MAML2: variants seen among roughly 807,000 people sequenced by gnomAD.
MAML2 encodes mastermind like transcriptional coactivator 2.
MAML2 carries 22 observed loss-of-function variants against 96.1 expected under a neutral mutation model. The ratio of observed to expected loss-of-function variants is 0.23; its 90% CI spans 0.16 to 0.33. The LOEUF is 0.33. Among genes scored for constraint, MAML2 ranks in the 10% least tolerant of loss-of-function variants. The pLI is 1.00. For missense variants in MAML2, 1,367 were observed against 1,392.4 expected (o/e 0.98, Z 0.29); for synonymous variants, 561 against 521.3 (o/e 1.08, Z -1.04).
intron 2 of MAML2, among the ~76,000 whole-genome samples, chr11:96,035,642 G>A (rs182323102): frequency 1.3e-5 from 2 of 152,316 alleles, no homozygotes; most frequent in African/African-American, 4.8e-5. Context: ...AAGGAAGGAA[G>A]CACAGAGACA....
Position 96,093,015 on chromosome 11 carries a change from G to A in MAML2, c.1016C>T (p.Pro339Leu), listed in dbSNP as rs374202127. ...TTGCTGACCCAAGTCAATGTTAAAT[G>A]GGTCATCCTGCTTTATGGTGGCATT... is the stretch of plus-strand genomic sequence containing the variant. Reference protein sequence around the residue: ...MINATIKQDDPFNIDLGQQSQ... With the variant: ...MINATIKQDDLFNIDLGQQSQ... Residue 339 changes from proline to leucine, a missense_variant, in exon 2 of 5, where the codon CCA becomes CTA. Physicochemically the swap from Pro to Leu is moderately conservative, Grantham distance 98 (BLOSUM62 -3). Coordinates refer to ENST00000524717, the MANE Select transcript of MAML2 (RefSeq NM_032427.4). The A allele has an allele frequency of 5.0e-6, 8 of 1,613,870 alleles. No individual in the cohort carries two copies. The highest frequency in any genetic ancestry group is 1.6e-4 in the Middle Eastern group (1 of 6,084).
intron 1 of MAML2, among the ~76,000 whole-genome samples, chr11:96,150,009 C>A (rs1399029176): frequency 6.6e-6 from 1 of 152,172 alleles, no homozygotes; most frequent in Non-Finnish European, 1.5e-5. Flanking sequence ...AATTTGTACT[C>A]CAAAACTTCT....
intron 2 of MAML2, among the ~76,000 whole-genome samples, chr11:96,083,090 G>A (rs928633041): frequency 2.0e-5 from 3 of 152,210 alleles, no homozygotes; most frequent in African/African-American, 7.2e-5. Context: ...GGCACGTGGG[G>A]TGCAAGGGAG....
chr11:96,058,389 G>T (rs996878592), intron 2 of MAML2, among the ~76,000 whole-genome samples: 8 of 152,164 alleles, frequency 5.3e-5, no homozygotes, highest in Non-Finnish European at 1.5e-5. Flanking sequence ...GCCCGATCTT[G>T]GCTCACTGCA....
chr11:96,328,233 CTTTAT>C (rs1863810887), intron 1 of MAML2, among the ~76,000 whole-genome samples: 2 of 152,230 alleles, frequency 1.3e-5, no homozygotes, highest in African/African-American at 4.8e-5. Flanking sequence ...ACTTGACTTC[CTTTAT>C]TTTAATATTT....
At chr11:96,062,788 A>G (rs1013280093) in intron 2 of MAML2, among the ~76,000 whole-genome samples, 12 of 152,066 alleles carry the variant, frequency 7.9e-5, no homozygotes, top group Admixed American at 7.9e-4. Flanking sequence ...TTTCACCTAG[A>G]ATTTTGTACC....
chr11:96,194,493 C>T (rs1241128885), intron 1 of MAML2, among the ~76,000 whole-genome samples: 1 of 152,174 alleles, frequency 6.6e-6, no homozygotes, highest in Non-Finnish European at 1.5e-5. Context: ...AAACAAGCCT[C>T]CTTTATGCAA....
chr11:96,196,603 A>T (rs1176222685), intron 1 of MAML2, among the ~76,000 whole-genome samples: 3 of 152,246 alleles, frequency 2.0e-5, no homozygotes, highest in Admixed American at 1.3e-4. Flanking sequence ...CTAGTGAATA[A>T]CAGGGGATGC....
At chr11:96,087,869 C>G (rs548674730) in intron 2 of MAML2, among the ~76,000 whole-genome samples, 135 of 152,276 alleles carry the variant, frequency 8.9e-4, no homozygotes, top group African/African-American at 3.1e-3. Flanking sequence ...TGATTATTTT[C>G]CCATTGGAAA....
intron 1 of MAML2, among the ~76,000 whole-genome samples, chr11:96,292,311 C>A (rs1863224738): frequency 1.3e-5 from 2 of 152,144 alleles, no homozygotes; most frequent in South Asian, 4.1e-4. Flanking sequence ...CAGGAATATG[C>A]AGACTCCATA....
chr11:96,090,568 C>A (rs1359004261), intron 2 of MAML2, among the ~76,000 whole-genome samples: 1 of 152,152 alleles, frequency 6.6e-6, no homozygotes. Flanking sequence ...AGTTCTACGA[C>A]TTGTTTTTAA....
In MAML2 at chr11:96,256,986, C is replaced by T. The variant is rs903881456; in HGVS notation, c.513+84397G>A. The stretch of plus-strand genomic sequence containing the variant: ...AACTAGAAAAATGCTACAAGAAAAC[C>T]GCCAGTGGCAAGACAGGAACTATAT... On this transcript the variant is annotated intron_variant, in intron 1 of 4. Coordinates refer to ENST00000524717, the MANE Select transcript of MAML2 (RefSeq NM_032427.4). Among the ~76,000 whole-genome samples the T allele has an allele frequency of 9.9e-5, 15 of 152,252 alleles. No individual in the cohort carries two copies. The East Asian group carries it at 1.4e-3, about 14-fold the overall frequency.
intron 1 of MAML2, among the ~76,000 whole-genome samples, chr11:96,152,573 G>C (rs558122010): frequency 3.3e-5 from 5 of 152,196 alleles, no homozygotes; most frequent in African/African-American, 9.6e-5. Context: ...TAAACCCTTT[G>C]ATCATTTTCT....
chr11:96,055,649 CT>C, intron 2 of MAML2, among the ~76,000 whole-genome samples: 1 of 152,268 alleles, frequency 6.6e-6, no homozygotes, highest in East Asian at 1.9e-4. Flanking sequence ...GGCCCCCATC[CT>C]TTTGTGTCAA....
chr11:96,310,919 T>C (rs751814089), intron 1 of MAML2, among the ~76,000 whole-genome samples: 12 of 152,236 alleles, frequency 7.9e-5, no homozygotes, highest in Non-Finnish European at 1.8e-4. Context: ...ATGTTAACCA[T>C]ATACCAGAAA....
chr11:96,296,439 C>T (rs760748946), intron 1 of MAML2, among the ~76,000 whole-genome samples: 51 of 152,048 alleles, frequency 3.4e-4, no homozygotes, highest in Non-Finnish European at 6.5e-4. Context: ...GCTAGGAGTT[C>T]GAGACCAGCC....
At position 96,080,237 on chromosome 11, in the gene MAML2, C is replaced by T. The variant is rs556943767; in HGVS notation, c.2139+11655G>A. ...CTACTATAATAAGATGTAATGGATA[C>T]GGCCTAAAGTTAATAAATCAAGAGG... On this transcript the variant is annotated intron_variant, in intron 2 of 4. Coordinates refer to ENST00000524717, the MANE Select transcript of MAML2 (RefSeq NM_032427.4). Among the ~76,000 whole-genome samples the T allele has an allele frequency of 5.9e-5, 9 of 152,170 alleles. No homozygotes were observed. The South Asian group carries it at 6.2e-4, about 11-fold the overall frequency.
At chr11:96,002,038 G>A (rs934904811) in intron 2 of MAML2, among the ~76,000 whole-genome samples, 4 of 152,074 alleles carry the variant, frequency 2.6e-5, no homozygotes, top group East Asian at 3.9e-4. Flanking sequence ...TTTTCAGGAA[G>A]CCTTCTCTGA....
At chr11:96,128,122 A>T (rs954436663) in intron 1 of MAML2, among the ~76,000 whole-genome samples, 15 of 152,222 alleles carry the variant, frequency 9.9e-5, no homozygotes, top group Admixed American at 7.2e-4. Context: ...AGCCGTGTGC[A>T]GTGGCTCACG....
Sources: allele counts gnomAD v4.1 joint callset (sites outside exome capture counted in the v4.1 genomes callset), GRCh38; gene constraint gnomAD v4.1.1; transcripts MANE v1.5; gene names NCBI Gene and HGNC (gene_info 2026-07-23, HGNC 2026-07-21).